Variants in FAM210A observed in about 807,000 individuals in gnomAD.
FAM210A encodes the protein mitochondrial inner membrane scaffold 1.
FAM210A carries 13 observed loss-of-function variants against 25.3 expected under a neutral mutation model. That is an observed-to-expected ratio of 0.51 (90% confidence interval 0.33 to 0.82). The LOEUF is 0.82. Among genes scored for constraint, FAM210A ranks in the 40% least tolerant of loss-of-function variants. The pLI, the probability that FAM210A is intolerant of heterozygous loss-of-function variation, is 0.02. For missense variants in FAM210A, 319 were observed against 323.2 expected (o/e 0.99, Z 0.10); for synonymous variants, 125 against 118.7 (o/e 1.05, Z -0.35).
intron 1 of FAM210A, among the ~76,000 whole-genome samples, chr18:13,717,374 C>A (rs1052331819): frequency 2.0e-5 from 3 of 152,134 alleles, no homozygotes; most frequent in East Asian, 3.9e-4. Context: ...AACTCCTGGG[C>A]TCAAGTGATC....
rs2043394697 is a variant in FAM210A at position 13,665,599 on chromosome 18, T to A, written c.*881A>T. On this transcript the variant is annotated 3_prime_UTR_variant, in exon 4 of 4. Transcript: ENST00000651643. ...TTAGCAGTCTCCATGAAAACCTGAC[T>A]CCATTTTTAGTCTCCCAAACCTTTT... 1 of 151,774 alleles carries A rather than the reference T, an allele frequency of 6.6e-6. No individual in the cohort carries two copies. Among genetic ancestry groups the A allele is most frequent in the Admixed American group, 6.6e-5 (1 of 15,208 alleles). 9.4% of individuals were successfully genotyped at this position (151,774 alleles called of 1,614,324 possible). A position where few individuals can be genotyped will look rare whatever the true frequency, so the allele number is the denominator to read the frequency against.
Position 13,666,609 on chromosome 18 carries a change from C to A in FAM210A, c.690G>T (p.Glu230Asp). The A allele has an allele frequency of 1.9e-6, 3 of 1,614,184 alleles. No individual in the cohort carries two copies. Among genetic ancestry groups the A allele is most frequent in the Non-Finnish European group, 2.5e-6 (3 of 1,180,040 alleles). The change falls in exon 4 of 4, where the codon GAG becomes GAT. Residue 230 changes from glutamate to aspartate, a missense_variant. By Grantham distance (45) the Glu-to-Asp change is conservative (BLOSUM62 2). Coordinates refer to ENST00000651643, the MANE Select transcript of FAM210A (RefSeq NM_152352.4). ...TCTCTTCCATCCTGTCCTGCAGATA[C>A]TCCTTGACGGGTGGCGGCGTGGACA... The part of the protein sequence containing the change: ...GYMSTPPPVK[E>D]YLQDRMEETK...
At chr18:13,688,686 C>T (rs139577562) in intron 1 of FAM210A, among the ~76,000 whole-genome samples, 1 of 152,242 alleles carries the variant, frequency 6.6e-6, no homozygotes, top group Admixed American at 6.5e-5. Context: ...AGCCACCCCA[C>T]GTGACGAGCC....
At position 13,663,800 on chromosome 18, in the gene FAM210A, G is replaced by A. The variant is rs2043378976; in HGVS notation, c.*2680C>T. ...ACTGCACTCTAGCCTGGGTGACAGA[G>A]TGAGACTCTGTCTCAAAAAAATAAA... is the stretch of plus-strand genomic sequence containing the variant. On this transcript the variant is annotated 3_prime_UTR_variant, in exon 4 of 4. Transcript: ENST00000651643. 6.6e-6 allele frequency: 1 copy of A among 152,172 alleles called. No homozygotes were observed. Among genetic ancestry groups the A allele is most frequent in the East Asian group, 1.9e-4 (1 of 5,176 alleles). 9.4% of individuals were successfully genotyped at this position (152,172 alleles called of 1,614,324 possible).
At chr18:13,697,163 T>G (rs1474983521) in intron 1 of FAM210A, among the ~76,000 whole-genome samples, 1 of 152,160 alleles carries the variant, frequency 6.6e-6, no homozygotes, top group Non-Finnish European at 1.5e-5. Flanking sequence ...CAAAATTGCC[T>G]AACTATGCAT....
At chr18:13,689,379 A>G (rs2043623794) in intron 1 of FAM210A, among the ~76,000 whole-genome samples, 1 of 152,222 alleles carries the variant, frequency 6.6e-6, no homozygotes, top group African/African-American at 2.4e-5. Flanking sequence ...CAGGCTAAAG[A>G]AATCATATGA....
At chr18:13,712,780 T>C (rs1440387601) in intron 1 of FAM210A, among the ~76,000 whole-genome samples, 1 of 152,216 alleles carries the variant, frequency 6.6e-6, no homozygotes, top group African/African-American at 2.4e-5. Flanking sequence ...AGTATTTTGC[T>C]ACAGCAGCCT....
At chr18:13,711,062 C>T (rs1260378906) in intron 1 of FAM210A, among the ~76,000 whole-genome samples, 1 of 152,082 alleles carries the variant, frequency 6.6e-6, no homozygotes, top group Non-Finnish European at 1.5e-5. Flanking sequence ...TTCCTGTTAC[C>T]AGCGAAGTGT....
chr18:13,667,708 A>C (rs1284194), intron 3 of FAM210A, among the ~76,000 whole-genome samples: 85,392 of 151,514 alleles, frequency 0.56, 24,451 homozygotes, highest in East Asian at 0.86. Context: ...ACAAGAGTGA[A>C]GCTACCTCTC....
intron 1 of FAM210A, among the ~76,000 whole-genome samples, chr18:13,686,134 T>A (rs1317594140): frequency 6.6e-6 from 1 of 152,042 alleles, no homozygotes; most frequent in East Asian, 1.9e-4. Flanking sequence ...TAACAACTGA[T>A]CCCACGGATA....
chr18:13,720,728 G>C (rs532593676), intron 1 of FAM210A, among the ~76,000 whole-genome samples: 4 of 152,296 alleles, frequency 2.6e-5, no homozygotes, highest in Non-Finnish European at 2.9e-5. Context: ...CTGTAATAGA[G>C]AACCACAAAC....
intron 1 of FAM210A, among the ~76,000 whole-genome samples, chr18:13,699,603 A>C (rs2043722539): frequency 6.6e-6 from 1 of 152,234 alleles, no homozygotes; most frequent in African/African-American, 2.4e-5. Flanking sequence ...ATAAACCCAG[A>C]ATCCACAGTT....
chr18:13,717,987 G>A (rs8093608), intron 1 of FAM210A, among the ~76,000 whole-genome samples: 22 of 152,206 alleles, frequency 1.4e-4, no homozygotes, highest in Non-Finnish European at 2.4e-4. Context: ...AGAAGACAGC[G>A]CCCTCACTCA....
chr18:13,720,150 G>A (rs1186032323), intron 1 of FAM210A, among the ~76,000 whole-genome samples: 1 of 152,178 alleles, frequency 6.6e-6, no homozygotes, highest in Non-Finnish European at 1.5e-5. Flanking sequence ...GCAGTTACCT[G>A]CAAAGGATGG....
At chr18:13,697,681 C>CA (rs58039903) in intron 1 of FAM210A, 11,591 of 72,774 alleles carry the variant, frequency 0.16, 1,495 homozygotes, top group South Asian at 0.22. Context: ...GACTCTGTCT[C>CA]AAAAAAAAAA....
chr18:13,671,739 G>T, intron 3 of FAM210A, 123 bp downstream of exon 3: 1 of 561,948 alleles, frequency 1.8e-6, no homozygotes, highest in Non-Finnish European at 3.2e-6. Context: ...AGACATATCA[G>T]AGATGAAATA....
intron 1 of FAM210A, among the ~76,000 whole-genome samples, chr18:13,696,023 T>G (rs942286772): frequency 7.2e-5 from 11 of 152,272 alleles, no homozygotes; most frequent in African/African-American, 2.4e-4. Context: ...ATAGGTAGTA[T>G]AAACAACATA....
rs138947802 is a variant in FAM210A at position 13,721,097 on chromosome 18, G to A, written c.-29+5232C>T. On this transcript the variant is annotated intron_variant, in intron 1 of 3. Coordinates refer to ENST00000651643, the MANE Select transcript of FAM210A (RefSeq NM_152352.4). ...CATACCCTGAGGTACTAAGGGCTAG[G>A]AATCCAATACATAAATTTTTAGAAG... Among the ~76,000 whole-genome samples the A allele has an allele frequency of 6.6e-4, 100 of 152,176 alleles. 1 individual carries two copies. Among genetic ancestry groups the A allele is most frequent in the African/African-American group, 2.3e-3 (95 of 41,504 alleles).
intron 1 of FAM210A, among the ~76,000 whole-genome samples, chr18:13,693,334 A>AGAAGGAGT (rs2043664950): frequency 6.6e-6 from 1 of 152,244 alleles, no homozygotes; most frequent in Non-Finnish European, 1.5e-5. Flanking sequence ...AGCTGGTACC[A>AGAAGGAGT]TTCCTTCTGA....
Sources: gnomAD v4.1 joint callset for allele counts (sites outside exome capture counted in the v4.1 genomes callset) on GRCh38, gnomAD v4.1.1 for gene constraint, MANE v1.5 for transcripts, NCBI Gene and HGNC (gene_info 2026-07-23, HGNC 2026-07-21) for gene names.